The following SCN11A variants were observed in gnomAD, a reference collection of about 807,000 sequenced individuals.
The protein encoded by SCN11A is sodium channel protein type 11 subunit alpha.
SCN11A carries 122 observed loss-of-function variants against 162.2 expected under a neutral mutation model. The observed-to-expected ratio is 0.75, with a 90% CI of 0.65 to 0.87. The LOEUF (loss-of-function observed/expected upper bound fraction) is 0.87, where lower values mean the gene tolerates loss of function less well. Among genes scored for constraint, SCN11A ranks in the 40% least tolerant of loss-of-function variants. The pLI is 0.00. For synonymous variants in SCN11A, 758 were observed against 751.5 expected, an observed-to-expected ratio of 1.01 and a Z score of -0.14; for missense variants, 2,015 against 2,181.6, an observed-to-expected ratio of 0.92 and a Z score of 1.52.
intron 2 of SCN11A, among the ~76,000 whole-genome samples, chr3:38,995,819 G>GTCTGTCTA (rs1553648593): frequency 5.6e-5 from 8 of 141,760 alleles, no homozygotes; most frequent in African/African-American, 1.8e-4. Context: ...CTATCTATCT[G>GTCTGTCTA]TCTATCTATC....
At chr3:39,029,611 G>C (rs1171190809) in intron 2 of SCN11A, among the ~76,000 whole-genome samples, 1 of 152,206 alleles carries the variant, frequency 6.6e-6, no homozygotes, top group Non-Finnish European at 1.5e-5. Context: ...GCTACATTTG[G>C]AACAGCATCT....
In SCN11A at chr3:38,886,206, G is replaced by C. The variant is rs2065397411; in HGVS notation, c.2868C>G (p.Pro956=). 6.2e-7 allele frequency: 1 copy of C among 1,612,714 alleles called. No individual in the cohort carries two copies. Among genetic ancestry groups the C allele is most frequent in the Non-Finnish European group, 8.5e-7 (1 of 1,179,760 alleles). The change falls in exon 20 of 30, where the codon CCC becomes CCG. Residue 956 remains proline (P), a synonymous_variant. Transcript: ENST00000302328. ...CCACACTTTGAACTCTCTGGCTCGT[G>C]GGCTTCTTGTTCTCCTGATGGAGCT... The part of the protein sequence containing the change: ...AYELHQENKK[P]TSQRVQSVEI...
chr3:38,918,693 G>A (rs2065999463), intron 11 of SCN11A, among the ~76,000 whole-genome samples: 1 of 152,152 alleles, frequency 6.6e-6, no homozygotes, highest in Non-Finnish European at 1.5e-5. Flanking sequence ...TGTGCTGTTG[G>A]GAATCATTCT....
At chr3:38,965,886 A>G (rs1223929502) in intron 2 of SCN11A, among the ~76,000 whole-genome samples, 3 of 152,238 alleles carry the variant, frequency 2.0e-5, no homozygotes, top group Non-Finnish European at 2.9e-5. Context: ...AGGCTAAGGC[A>G]GGAGACTCAT....
At chr3:38,863,698 C>T (rs1023973239) in intron 27 of SCN11A, among the ~76,000 whole-genome samples, 5 of 151,804 alleles carry the variant, frequency 3.3e-5, no homozygotes, top group East Asian at 1.9e-4. Context: ...ATAATGAATA[C>T]ACATAACACT....
intron 19 of SCN11A, among the ~76,000 whole-genome samples, chr3:38,890,631 A>G (rs575694409): frequency 6.6e-6 from 1 of 152,382 alleles, no homozygotes; most frequent in East Asian, 1.9e-4. Flanking sequence ...GCCCCATGGC[A>G]TTGTCAAGGA....
intron 28 of SCN11A, among the ~76,000 whole-genome samples, chr3:38,858,296 T>C (rs1038802695): frequency 2.6e-5 from 4 of 152,000 alleles, no homozygotes; most frequent in African/African-American, 4.8e-5. Context: ...TAAGGACTCA[T>C]ATAAACTTAA....
chr3:38,953,536 G>A (rs1305482602), intron 4 of SCN11A, among the ~76,000 whole-genome samples, 93 bp downstream of exon 4: 2 of 152,086 alleles, frequency 1.3e-5, no homozygotes, highest in Non-Finnish European at 2.9e-5. Flanking sequence ...AAATTACAGG[G>A]GATGATCTAA....
At chr3:38,875,780 A>C (rs1208900400) in intron 23 of SCN11A, among the ~76,000 whole-genome samples, 2 of 152,124 alleles carry the variant, frequency 1.3e-5, no homozygotes, top group African/African-American at 4.8e-5. Context: ...AAATGACCCT[A>C]CTACCAAAAG....
chr3:39,002,340 T>C (rs2030841136), intron 2 of SCN11A, among the ~76,000 whole-genome samples: 1 of 152,236 alleles, frequency 6.6e-6, no homozygotes, highest in African/African-American at 2.4e-5. Context: ...AAATTCTCCT[T>C]ACATGAGCTT....
At chr3:38,922,742 GTTTC>G (rs780140881) in intron 9 of SCN11A, among the ~76,000 whole-genome samples, 1 of 152,172 alleles carries the variant, frequency 6.6e-6, no homozygotes, top group South Asian at 2.1e-4. Context: ...CTGACTACCA[GTTTC>G]TTTATCACTA....
chr3:38,872,071 A>C, intron 24 of SCN11A, 122 bp downstream of exon 24: 1 of 718,060 alleles, frequency 1.4e-6, no homozygotes, highest in Non-Finnish European at 2.5e-6. Context: ...AGCACTGGGC[A>C]GGCTGGGAAG....
At chr3:38,974,694 C>CAAAAAAAAAAAAAAAAAAAAA (rs773028321) in intron 2 of SCN11A, among the ~76,000 whole-genome samples, 1 of 48,144 alleles carries the variant, frequency 2.1e-5, no homozygotes, top group African/African-American at 6.3e-5. Context: ...GACTCCGTCT[C>CAAAAAAAAAAAAAAAAAAAAA]AAAAAAAAAA....
At position 39,012,931 on chromosome 3, in the gene SCN11A, T is replaced by C. The variant is rs536282357; in HGVS notation, c.-280+19449A>G. ...GCAATGCTTACGTAATAAATGATTA[T>C]GCTCATCTTTGACTTTTTCTTATGT... On this transcript the variant is annotated intron_variant, in intron 2 of 29. Coordinates refer to ENST00000302328, the MANE Select transcript of SCN11A (RefSeq NM_001349253.2). 2.0e-4 allele frequency among the ~76,000 whole-genome samples: 31 copies of C among 152,394 alleles called. No individual in the cohort carries two copies. In the East Asian group the frequency reaches 5.4e-3, roughly 26 times the overall value.
intron 19 of SCN11A, among the ~76,000 whole-genome samples, chr3:38,888,532 A>G (rs1434453213): frequency 6.6e-6 from 1 of 152,272 alleles, no homozygotes; most frequent in African/African-American, 2.4e-5. Context: ...TGAAAGTTAC[A>G]TAATAATCTG....
At chr3:38,892,041 G>C (rs889118645) in intron 19 of SCN11A, among the ~76,000 whole-genome samples, 1 of 152,188 alleles carries the variant, frequency 6.6e-6, no homozygotes, top group African/African-American at 2.4e-5. Flanking sequence ...CAAGAGAAAA[G>C]TGGTTCATCA....
At chr3:38,986,098 C>T (rs1393125426) in intron 2 of SCN11A, among the ~76,000 whole-genome samples, 2 of 150,934 alleles carry the variant, frequency 1.3e-5, no homozygotes, top group East Asian at 3.8e-4. Context: ...GGAAGTCACA[C>T]TTTTTGATTT....
intron 2 of SCN11A, among the ~76,000 whole-genome samples, chr3:39,003,132 T>A (rs1181648157): frequency 6.6e-6 from 1 of 152,180 alleles, no homozygotes; most frequent in Non-Finnish European, 1.5e-5. Flanking sequence ...CACCCAGGTA[T>A]GAAGTCCAGT....
intron 29 of SCN11A, 149 bp downstream of exon 29, chr3:38,850,332 T>A: frequency 1.5e-6 from 1 of 668,630 alleles, no homozygotes; most frequent in Non-Finnish European, 2.5e-6. Context: ...CAGTAGAGAA[T>A]GGCATTAGTA....
Sources: gnomAD v4.1 joint callset for allele counts (sites outside exome capture counted in the v4.1 genomes callset) on GRCh38, gnomAD v4.1.1 for gene constraint, MANE v1.5 for transcripts, NCBI Gene and HGNC (gene_info 2026-07-23, HGNC 2026-07-21) for gene names.